The following TPRKB variants were observed in gnomAD, a reference collection of about 807,000 sequenced individuals.
The protein encoded by TPRKB is EKC/KEOPS complex subunit TPRKB.
Under a neutral mutation model 17.8 loss-of-function variants are expected in TPRKB, and 11 were observed. That is an observed-to-expected ratio of 0.62 (90% CI 0.39 to 1.02). The LOEUF (loss-of-function observed/expected upper bound fraction) is 1.02, where lower values mean the gene tolerates loss of function less well. TPRKB is among the 50% of genes least tolerant of loss of function. The pLI, the probability that TPRKB is intolerant of heterozygous loss-of-function variation, is 0.00. For missense variants in TPRKB, 228 were observed against 198.0 expected (o/e 1.15, Z -0.91); for synonymous variants, 71 against 69.5 (o/e 1.02, Z -0.11).
chr2:73,735,423 AC>A (rs1236251829), intron 1 of TPRKB, among the ~76,000 whole-genome samples: 1 of 152,238 alleles, frequency 6.6e-6, no homozygotes, highest in Non-Finnish European at 1.5e-5. Flanking sequence ...CAAACATGGC[AC>A]ATGTATACAG....
At chr2:73,733,783 A>C (rs567207039) in intron 2 of TPRKB, among the ~76,000 whole-genome samples, 1 of 148,222 alleles carries the variant, frequency 6.7e-6, no homozygotes, top group African/African-American at 2.5e-5. Context: ...ATATTAATGT[A>C]TACTTAAATG....
rs777325976 is a variant in TPRKB, at chr2:73,730,559, C to T, written c.441+1G>A. On this transcript the variant is annotated splice_donor_variant, in intron 4 of 4. Coordinates refer to ENST00000272424, the MANE Select transcript of TPRKB (RefSeq NM_016058.5). LOFTEE classifies it high-confidence loss of function. ...CTTTCTAAAAATATGGACTGGCAAA[C>T]CTTTTTGACTTCTGTAATATTCATT... is the stretch of plus-strand genomic sequence containing the variant. 5 of 1,575,890 alleles carry T rather than the reference C, an allele frequency of 3.2e-6. No homozygotes were observed. The African/African-American group carries it at 4.2e-5, about 13-fold the overall frequency.
At chr2:73,732,025 C>T (rs192074327) in intron 3 of TPRKB, 138 bp downstream of exon 3, 4 of 968,354 alleles carry the variant, frequency 4.1e-6, no homozygotes, top group Non-Finnish European at 6.1e-6. Flanking sequence ...AACCTCAACT[C>T]TCTGTCCAGA....
At position 73,732,151 on chromosome 2, in the gene TPRKB, A is replaced by G. The variant is rs772383010; in HGVS notation, c.264+12T>C. 1 of 1,609,882 alleles carries G rather than the reference A, an allele frequency of 6.2e-7. No homozygotes were observed. The highest frequency in any genetic ancestry group is 8.5e-7 in the Non-Finnish European group (1 of 1,178,406). On this transcript the variant is annotated intron_variant, in intron 3 of 4. Coordinates refer to ENST00000272424, the MANE Select transcript of TPRKB (RefSeq NM_016058.5). ...ATGACACGGTCAACAGAAATAGGAA[A>G]GTGCACATTACATTGTTATTTGGGG...
intron 2 of TPRKB, among the ~76,000 whole-genome samples, chr2:73,734,008 A>G (rs997693954): frequency 5.3e-5 from 8 of 151,908 alleles, no homozygotes; most frequent in South Asian, 2.1e-4. Context: ...GGGTTTCACC[A>G]TATTGGCCAG....
chr2:73,729,987 A>G lies in TPRKB; in HGVS notation c.484T>C (p.Leu162=). 1.9e-6 allele frequency: 3 copies of G among 1,578,780 alleles called. No homozygotes were observed. Among genetic ancestry groups the G allele is most frequent in the Non-Finnish European group, 2.6e-6 (3 of 1,160,362 alleles). Residue 162 remains leucine, a synonymous_variant, in exon 5 of 5, where the codon TTG becomes CTG. Transcript: ENST00000272424. ...GACATTCTACAAATGATAGCATCCAATAATGTCCCAATACTTTCTTCTTGT... is the reference window on the plus strand; with the variant it reads ...GACATTCTACAAATGATAGCATCCAGTAATGTCCCAATACTTTCTTCTTGT... ...SSQEESIGTL[L]DAIICRMSTK...
intron 1 of TPRKB, among the ~76,000 whole-genome samples, chr2:73,735,438 TAACA>T (rs544176688): frequency 1.0e-3 from 152 of 152,164 alleles, no homozygotes; most frequent in African/African-American, 3.5e-3. Flanking sequence ...TATACAGATG[TAACA>T]AACCTGCACG....
intron 3 of TPRKB, among the ~76,000 whole-genome samples, chr2:73,731,503 T>C (rs1671608635): frequency 6.6e-6 from 1 of 152,230 alleles, no homozygotes; most frequent in Non-Finnish European, 1.5e-5. Flanking sequence ...TATAAACTTG[T>C]CAATCATCTG....
At chr2:73,732,523 C>A in intron 2 of TPRKB, 1 of 432,702 alleles carries the variant, frequency 2.3e-6, no homozygotes, top group Non-Finnish European at 4.1e-6. Context: ...CCAGCCTGGC[C>A]AACACGGCGA....
At chr2:73,734,627 T>A in intron 1 of TPRKB, 36 bp from the exon 2 acceptor site, 1 of 1,504,972 alleles carries the variant, frequency 6.6e-7, no homozygotes. Flanking sequence ...AGATTTCATT[T>A]AAAAGTTAAC....
Position 73,730,547 on chromosome 2 carries a change from T to G in TPRKB, c.441+13A>C, listed in dbSNP as rs892206457. 34 of 1,559,464 alleles carry G rather than the reference T, an allele frequency of 2.2e-5. No individual in the cohort carries two copies. The highest frequency in any genetic ancestry group is 2.9e-5 in the Non-Finnish European group (34 of 1,156,428). ...ATCTATCACACTCTTTCTAAAAATATGGACTGGCAAACCTTTTTGACTTCT... is the reference window on the plus strand; with the variant it reads ...ATCTATCACACTCTTTCTAAAAATAGGGACTGGCAAACCTTTTTGACTTCT... On this transcript the variant is annotated intron_variant, in intron 4 of 4. Transcript: ENST00000272424.
rs371941818 is a variant in TPRKB, at chr2:73,730,632, T to C, written c.369A>G (p.Ile123Met). ...AAACCTGATGACCTTCTACTTGAGA[T>C]ATTAGGTATTCTTGATTTATTTGTT... ...GEKQINQEYLISQVEGHQVSL... is the reference protein window; with the variant it reads ...GEKQINQEYLMSQVEGHQVSL... The change falls in exon 4 of 5, where the codon ATA (isoleucine) becomes ATG (methionine). Residue 123 changes from isoleucine to methionine, a missense_variant. By Grantham distance (10) the Ile-to-Met change is conservative. Transcript: ENST00000272424. The C allele has an allele frequency of 6.9e-6, 11 of 1,594,518 alleles. No homozygotes were observed. In the African/African-American group the frequency reaches 1.1e-4, roughly 16 times the overall value.
chr2:73,731,495 T>C (rs895959847), intron 3 of TPRKB, among the ~76,000 whole-genome samples: 1 of 152,248 alleles, frequency 6.6e-6, no homozygotes, highest in Non-Finnish European at 1.5e-5. Context: ...CTGCATTTTA[T>C]AAACTTGTCA....
chr2:73,736,653 C>T (rs1301555224), intron 1 of TPRKB, among the ~76,000 whole-genome samples: 2 of 152,218 alleles, frequency 1.3e-5, no homozygotes, highest in African/African-American at 4.8e-5. Context: ...ACTTCTCTCC[C>T]ATACGCTAGG....
chr2:73,730,978 C>A, intron 3 of TPRKB: 1 of 315,330 alleles, frequency 3.2e-6, no homozygotes. Context: ...CCTCTTGGCG[C>A]TGCACAAAAA....
At position 73,730,027 on chromosome 2, in the gene TPRKB, T is replaced by C; in HGVS notation, c.444A>G (p.Ile148Met). 4 of 1,560,978 alleles carry C rather than the reference T, an allele frequency of 2.6e-6. No homozygotes were observed. Among genetic ancestry groups the C allele is most frequent in the Non-Finnish European group, 3.5e-6 (4 of 1,151,842 alleles). The change falls in exon 5 of 5, where the codon ATA (isoleucine) becomes ATG (methionine). Residue 148 changes from isoleucine (I) to methionine (M), a missense_variant and splice_region_variant. Ile to Met is a conservative substitution (Grantham distance 10, BLOSUM62 1). Coordinates refer to ENST00000272424, the MANE Select transcript of TPRKB (RefSeq NM_016058.5). Reference protein sequence around the residue: ...EIMNITEVKKIYKLSSQEESI... With the variant: ...EIMNITEVKKMYKLSSQEESI... ...TTTCTTCTTGTGAAGAGAGTTTATA[T>C]ATCTGTAAAAATGAAAGACAAATTA... is the stretch of plus-strand genomic sequence containing the variant.
Position 73,730,036 on chromosome 2 carries a change from A to C in TPRKB, c.442-7T>G. On this transcript the variant is annotated splice_polypyrimidine_tract_variant and splice_region_variant and intron_variant, in intron 4 of 4. Transcript: ENST00000272424. ...GTGAAGAGAGTTTATATATCTGTAA[A>C]AATGAAAGACAAATTATGACTTGCT... 1 of 1,552,968 alleles carries C rather than the reference A, an allele frequency of 6.4e-7. No homozygotes were observed. The highest frequency in any genetic ancestry group is 8.7e-7 in the Non-Finnish European group (1 of 1,147,830).
At chr2:73,736,660 T>C (rs968778371) in intron 1 of TPRKB, among the ~76,000 whole-genome samples, 1 of 152,232 alleles carries the variant, frequency 6.6e-6, no homozygotes, top group Non-Finnish European at 1.5e-5. Context: ...TCCCATACGC[T>C]AGGTCACATC....
rs1032450283 is a variant in TPRKB, at chr2:73,737,307, G to T, written c.-28C>A. 6.6e-6 allele frequency: 1 copy of T among 152,176 alleles called. No individual in the cohort carries two copies. Among genetic ancestry groups the T allele is most frequent in the Non-Finnish European group, 1.5e-5 (1 of 68,068 alleles). 9.4% of individuals were successfully genotyped at this position (152,176 alleles called of 1,614,324 possible). A position where few individuals can be genotyped will look rare whatever the true frequency, so the allele number is the denominator to read the frequency against. On this transcript the variant is annotated 5_prime_UTR_variant, in exon 1 of 5. Coordinates refer to ENST00000272424, the MANE Select transcript of TPRKB (RefSeq NM_016058.5). ...AGAGCGCAAGGAAAACTCACCATCC[G>T]GCCCCCAGTGCGTCTCGGAAGAGCT... is the stretch of plus-strand genomic sequence containing the variant.
Sources: gnomAD v4.1 joint callset for allele counts (sites outside exome capture counted in the v4.1 genomes callset) on GRCh38, gnomAD v4.1.1 for gene constraint, MANE v1.5 for transcripts, NCBI Gene and HGNC (gene_info 2026-07-23, HGNC 2026-07-21) for gene names.